The following SAMD12 variants were observed in gnomAD, a reference collection of about 807,000 sequenced individuals.
The protein encoded by SAMD12 is sterile alpha motif domain containing 12.
Under a neutral mutation model 15.0 loss-of-function variants are expected in SAMD12, and 9 were observed. The observed-to-expected ratio is 0.60, with a 90% confidence interval of 0.36 to 1.05. The LOEUF (loss-of-function observed/expected upper bound fraction) is 1.05. Among genes scored for constraint, SAMD12 ranks in the 50% least tolerant of loss-of-function variants. The pLI, the probability that SAMD12 is intolerant of heterozygous loss-of-function variation, is 0.01. For synonymous variants in SAMD12, 86 were observed against 90.1 expected (o/e 0.96, Z 0.25); for missense variants, 230 against 234.2 (o/e 0.98, Z 0.12).
rs143484434 is a variant in SAMD12 at position 118,593,298 on chromosome 8, T to C, written c.14-12405A>G. 6.5e-3 allele frequency among the ~76,000 whole-genome samples: 986 copies of C among 152,232 alleles called. 24 individuals carry two copies. The highest frequency in any genetic ancestry group is 0.022 in the African/African-American group (930 of 41,548). On this transcript the variant is annotated intron_variant, in intron 1 of 3. Coordinates refer to ENST00000314727, the MANE Select transcript of SAMD12 (RefSeq NM_207506.3). ...AGGCTAAAAGTAGTTCAAAGTTCAATGGAGCCATTGATAAGTATACGAGTT... is the reference window on the plus strand; with the variant it reads ...AGGCTAAAAGTAGTTCAAAGTTCAACGGAGCCATTGATAAGTATACGAGTT...
rs559040074 is a variant in SAMD12, at chr8:118,447,299, A to G, written c.193-7338T>C. On this transcript the variant is annotated intron_variant, in intron 2 of 3. Transcript: ENST00000314727. ...CTTTCCTTCCTTCCCCTCAGTTGAA[A>G]TCTTTTTTTTTTTTCTTTTTTGAGA... Among the ~76,000 whole-genome samples, 9 of 150,092 alleles carry G rather than the reference A, an allele frequency of 6.0e-5. No homozygotes were observed. In the South Asian group the frequency reaches 1.9e-3, roughly 31 times the overall value.
intron 3 of SAMD12, among the ~76,000 whole-genome samples, chr8:118,396,455 TA>T (rs1820574426): frequency 6.6e-6 from 1 of 152,206 alleles, no homozygotes; most frequent in Non-Finnish European, 1.5e-5. Flanking sequence ...TTCTTCCTTC[TA>T]AACTCTGGGC....
chr8:118,442,807 C>T (rs1350682343), intron 2 of SAMD12, among the ~76,000 whole-genome samples: 2 of 152,162 alleles, frequency 1.3e-5, no homozygotes, highest in African/African-American at 4.8e-5. Flanking sequence ...CTCCTGTAAA[C>T]CAGTCACAGA....
At chr8:118,260,918 C>A (rs1813062053) in intron 4 of SAMD12, among the ~76,000 whole-genome samples, 1 of 152,138 alleles carries the variant, frequency 6.6e-6, no homozygotes, top group Admixed American at 6.6e-5. Context: ...CATTTGCAAT[C>A]AGCCCCTTTC....
chr8:118,553,593 A>G (rs1427329504), intron 2 of SAMD12, among the ~76,000 whole-genome samples: 1 of 149,848 alleles, frequency 6.7e-6, no homozygotes, highest in Non-Finnish European at 1.5e-5. Flanking sequence ...AAGAAAACCT[A>G]GGCATTACCA....
chr8:118,489,661 T>C (rs1433204772), intron 2 of SAMD12, among the ~76,000 whole-genome samples: 1 of 152,196 alleles, frequency 6.6e-6, no homozygotes, highest in Admixed American at 6.5e-5. Context: ...GAAATTACAA[T>C]ACTGTTCATG....
chr8:118,440,943 G>C (rs1193852425), intron 2 of SAMD12, among the ~76,000 whole-genome samples: 1 of 152,034 alleles, frequency 6.6e-6, no homozygotes, highest in Non-Finnish European at 1.5e-5. Context: ...TATCATATTG[G>C]CAGCTGTTTG....
intron 2 of SAMD12, among the ~76,000 whole-genome samples, chr8:118,488,286 G>A (rs1586757604): frequency 6.6e-6 from 1 of 152,144 alleles, no homozygotes; most frequent in East Asian, 1.9e-4. Flanking sequence ...ATGTTTTACA[G>A]AGTATGTCTA....
intron 2 of SAMD12, among the ~76,000 whole-genome samples, chr8:118,451,424 C>T (rs1423907861): frequency 2.6e-5 from 4 of 152,130 alleles, no homozygotes; most frequent in African/African-American, 9.7e-5. Flanking sequence ...CTCACCTTAT[C>T]GTGGAAGGAG....
intron 3 of SAMD12, among the ~76,000 whole-genome samples, chr8:118,425,606 C>T (rs2130857771): frequency 6.6e-6 from 1 of 152,248 alleles, no homozygotes; most frequent in South Asian, 2.1e-4. Flanking sequence ...CTTAGTTTCT[C>T]CGATAGAGTA....
At chr8:118,403,972 G>T (rs1820994164) in intron 3 of SAMD12, among the ~76,000 whole-genome samples, 1 of 152,118 alleles carries the variant, frequency 6.6e-6, no homozygotes, top group African/African-American at 2.4e-5. Context: ...TTGCTTGATA[G>T]ATTTTTGGTA....
chr8:118,211,792 C>CG (rs1347889669), intron 4 of SAMD12, among the ~76,000 whole-genome samples: 1 of 152,014 alleles, frequency 6.6e-6, no homozygotes, highest in African/African-American at 2.4e-5. Context: ...TGTTTGGTTT[C>CG]GGGGGACTAC....
intron 2 of SAMD12, among the ~76,000 whole-genome samples, chr8:118,441,203 T>A (rs1435327928): frequency 2.6e-5 from 4 of 152,006 alleles, no homozygotes; most frequent in African/African-American, 9.7e-5. Flanking sequence ...TAATAACTTT[T>A]AAAAACTTTT....
intron 1 of SAMD12, among the ~76,000 whole-genome samples, chr8:118,601,135 T>C (rs1209923215): frequency 1.2e-4 from 19 of 152,230 alleles, no homozygotes; most frequent in Admixed American, 1.2e-3. Flanking sequence ...GGCTGCCTTT[T>C]GAAGGTGAAT....
chr8:118,418,454 G>A (rs1468781213), intron 3 of SAMD12, among the ~76,000 whole-genome samples: 1 of 152,184 alleles, frequency 6.6e-6, no homozygotes, highest in African/African-American at 2.4e-5. Flanking sequence ...CATGGCTCAC[G>A]CCTGTAATCC....
At chr8:118,548,384 TACACACACACACACACACACAC>T (rs36228827) in intron 2 of SAMD12, among the ~76,000 whole-genome samples, 1 of 139,798 alleles carries the variant, frequency 7.2e-6, no homozygotes, top group Non-Finnish European at 1.6e-5. Context: ...AAAACACACA[TACACACACACACACACACACAC>T]ACACACACAC....
intron 1 of SAMD12, among the ~76,000 whole-genome samples, chr8:118,617,682 G>A (rs1379311976): frequency 1.3e-5 from 2 of 152,006 alleles, no homozygotes; most frequent in African/African-American, 4.8e-5. Flanking sequence ...AGCAAGAAAA[G>A]GAATTGGGGA....
intron 3 of SAMD12, among the ~76,000 whole-genome samples, chr8:118,424,062 T>C (rs947110467): frequency 3.9e-5 from 6 of 152,106 alleles, no homozygotes; most frequent in African/African-American, 9.7e-5. Flanking sequence ...AAAATAATCA[T>C]TATTACTAAA....
intron 4 of SAMD12, among the ~76,000 whole-genome samples, chr8:118,322,237 G>C (rs1816323459): frequency 6.6e-6 from 1 of 152,178 alleles, no homozygotes; most frequent in Admixed American, 6.5e-5. Flanking sequence ...CTCTCTCTCA[G>C]CATTCTTTGT....
Sources: gnomAD v4.1 joint callset for allele counts (sites outside exome capture counted in the v4.1 genomes callset) on GRCh38, gnomAD v4.1.1 for gene constraint, MANE v1.5 for transcripts, NCBI Gene and HGNC (gene_info 2026-07-23, HGNC 2026-07-21) for gene names.